Variants in SOX5 observed in about 807,000 individuals in gnomAD.
SOX5 encodes the protein transcription factor SOX-5.
SOX5 carries 9 observed loss-of-function variants against 92.0 expected under a neutral mutation model. That is an observed-to-expected ratio of 0.10 (90% CI 0.06 to 0.17). The LOEUF is 0.17. SOX5 is among the 10% of genes least tolerant of loss of function. SOX5 has a pLI of 1.00. For missense variants in SOX5, 642 were observed against 944.5 expected (o/e 0.68, Z 4.20); for synonymous variants, 344 against 336.3 (o/e 1.02, Z -0.25).
intron 1 of SOX5, among the ~76,000 whole-genome samples, chr12:23,914,019 C>T (rs1442499786): frequency 6.6e-6 from 1 of 152,134 alleles, no homozygotes; most frequent in Admixed American, 6.5e-5. Context: ...CAGTTTGTCA[C>T]AGGAAACTTC....
chr12:24,339,549 G>A (rs910390834), intron 2 of SOX5, among the ~76,000 whole-genome samples: 7 of 152,200 alleles, frequency 4.6e-5, no homozygotes, highest in Admixed American at 1.3e-4. Context: ...TGCACTGGGA[G>A]CCATCGAAGA....
chr12:24,235,411 T>C (rs903551120), intron 3 of SOX5, among the ~76,000 whole-genome samples: 5 of 152,224 alleles, frequency 3.3e-5, no homozygotes, highest in Admixed American at 1.3e-4. Context: ...ACTTCAAATA[T>C]GTGAAGAAAA....
At chr12:24,385,953 A>ATTTAT (rs1958367658) in intron 1 of SOX5, among the ~76,000 whole-genome samples, 1 of 139,992 alleles carries the variant, frequency 7.1e-6, no homozygotes, top group African/African-American at 2.6e-5. Context: ...AAAGAGAGAG[A>ATTTAT]GATTTATGTG....
intron 3 of SOX5, among the ~76,000 whole-genome samples, chr12:23,833,517 GCCACTAATCC>G (rs1178485284): frequency 6.6e-6 from 1 of 151,804 alleles, no homozygotes; most frequent in African/African-American, 2.4e-5. Context: ...ATTATCTATG[GCCACTAATCC>G]ATAGGTAACG....
chr12:23,874,659 A>T (rs1485515544), intron 2 of SOX5, among the ~76,000 whole-genome samples: 1 of 152,172 alleles, frequency 6.6e-6, no homozygotes, highest in East Asian at 1.9e-4. Context: ...TGATCCCAAG[A>T]TGATGCAGAT....
intron 6 of SOX5, among the ~76,000 whole-genome samples, chr12:23,667,650 AT>A (rs1360512421): frequency 6.6e-6 from 1 of 152,202 alleles, no homozygotes; most frequent in African/African-American, 2.4e-5. Context: ...CTGGAACTGC[AT>A]CTCCTGTCTC....
chr12:24,124,562 C>CAAAAAAAAA (rs35701853), intron 4 of SOX5, among the ~76,000 whole-genome samples: 1 of 133,660 alleles, frequency 7.5e-6, no homozygotes. Flanking sequence ...AGGAATGGGA[C>CAAAAAAAAA]AAAAAAAAAA....
intron 3 of SOX5, among the ~76,000 whole-genome samples, chr12:23,776,654 A>AT (rs2095112446): frequency 6.6e-6 from 1 of 152,156 alleles, no homozygotes; most frequent in South Asian, 2.1e-4. Flanking sequence ...AGGGAGGATA[A>AT]TTTTGGGATT....
intron 6 of SOX5, among the ~76,000 whole-genome samples, chr12:23,701,666 G>A (rs559151202): frequency 9.9e-5 from 15 of 152,020 alleles, no homozygotes; most frequent in South Asian, 6.2e-4. Context: ...AAACAGGATC[G>A]TTACTAGAGG....
At chr12:23,757,494 A>G (rs1232084505) in intron 3 of SOX5, among the ~76,000 whole-genome samples, 1 of 151,992 alleles carries the variant, frequency 6.6e-6, no homozygotes, top group East Asian at 1.9e-4. Flanking sequence ...CAACATTTCT[A>G]CATTCCCAGT....
intron 2 of SOX5, among the ~76,000 whole-genome samples, chr12:24,297,837 T>C (rs1464242174): frequency 6.6e-6 from 1 of 152,212 alleles, no homozygotes; most frequent in Non-Finnish European, 1.5e-5. Flanking sequence ...TAACGATGTT[T>C]ATCCTGAGAG....
At chr12:23,940,218 G>A (rs1257160835) in intron 1 of SOX5, among the ~76,000 whole-genome samples, 1 of 151,136 alleles carries the variant, frequency 6.6e-6, no homozygotes, top group East Asian at 1.9e-4. Flanking sequence ...AGAGTTTCAG[G>A]ATCATAGAAT....
In SOX5 at chr12:23,921,202, T is replaced by A. The variant is rs1224758187; in HGVS notation, c.39-25178A>T. On this transcript the variant is annotated intron_variant, in intron 1 of 14. Transcript: ENST00000451604. ...AGTACAAAATAATCAACAGGAGCAG[T>A]GCATCAATCAGAAGAGGTCTGATCA... 2.6e-5 allele frequency among the ~76,000 whole-genome samples: 4 copies of A among 152,204 alleles called. No individual in the cohort carries two copies. The East Asian group carries it at 7.8e-4, about 30-fold the overall frequency.
chr12:24,332,057 A>G (rs1951396055), intron 2 of SOX5, among the ~76,000 whole-genome samples: 1 of 152,072 alleles, frequency 6.6e-6, no homozygotes, highest in South Asian at 2.1e-4. Context: ...TCAAAAAACA[A>G]GAAAGCATAA....
intron 1 of SOX5, among the ~76,000 whole-genome samples, chr12:24,371,816 C>G (rs1162853855): frequency 6.6e-6 from 1 of 152,112 alleles, no homozygotes; most frequent in East Asian, 1.9e-4. Flanking sequence ...GATGAAACCT[C>G]ATCTCTACTA....
chr12:23,966,618 T>G (rs1244533012), intron 4 of SOX5, among the ~76,000 whole-genome samples: 1 of 151,968 alleles, frequency 6.6e-6, no homozygotes, highest in African/African-American at 2.4e-5. Flanking sequence ...AGAAGTGATA[T>G]AATGAATAAA....
intron 2 of SOX5, among the ~76,000 whole-genome samples, chr12:23,873,504 C>T (rs2096896387): frequency 6.6e-6 from 1 of 152,036 alleles, no homozygotes; most frequent in Non-Finnish European, 1.5e-5. Context: ...ACTACAGTGC[C>T]ATTGCTGACA....
chr12:24,230,434 T>C (rs778591982), intron 3 of SOX5: 20 of 152,276 alleles, frequency 1.3e-4, no homozygotes, highest in Non-Finnish European at 2.4e-4. Flanking sequence ...GATAACTTTC[T>C]TTTTCCGTGG....
intron 1 of SOX5, among the ~76,000 whole-genome samples, chr12:24,415,646 A>G (rs1427401825): frequency 6.6e-6 from 1 of 152,228 alleles, no homozygotes; most frequent in African/African-American, 2.4e-5. Context: ...AACAGCCAAC[A>G]TTCAAGCCCC....
Sources: gnomAD v4.1 joint callset for allele counts (sites outside exome capture counted in the v4.1 genomes callset) on GRCh38, gnomAD v4.1.1 for gene constraint, MANE v1.5 for transcripts, NCBI Gene and HGNC (gene_info 2026-07-23, HGNC 2026-07-21) for gene names.